The following CDH20 variants were observed in gnomAD, a reference collection of about 807,000 sequenced individuals.
The protein encoded by CDH20 is cadherin-20.
CDH20 carries 29 observed loss-of-function variants against 74.2 expected under a neutral mutation model. The ratio of observed to expected loss-of-function variants is 0.39; its 90% CI spans 0.29 to 0.53. The LOEUF (loss-of-function observed/expected upper bound fraction) is 0.53, where lower values mean the gene tolerates loss of function less well. Among genes scored for constraint, CDH20 ranks in the 20% least tolerant of loss-of-function variants. The probability of loss-of-function intolerance (pLI) is 0.69; values close to 1 mark genes in which losing one functional copy is unlikely to be tolerated. For missense variants in CDH20, 988 were observed against 1,048.3 expected (o/e 0.94, Z 0.79); for synonymous variants, 469 against 405.4 (o/e 1.16, Z -1.88).
At chr18:61,368,060 T>G (rs1910915261) in intron 1 of CDH20, among the ~76,000 whole-genome samples, 1 of 152,152 alleles carries the variant, frequency 6.6e-6, no homozygotes, top group Non-Finnish European at 1.5e-5. Flanking sequence ...TCTGAAGTAC[T>G]GGGGGTTGGG....
chr18:61,499,618 T>C, intron 3 of CDH20, 138 bp downstream of exon 3: 2 of 720,120 alleles, frequency 2.8e-6, no homozygotes, highest in Non-Finnish European at 4.3e-6. Context: ...AGCTCACCAA[T>C]TATAAAGCAA....
chr18:61,490,918 G>A (rs568429234), intron 2 of CDH20, 119 bp downstream of exon 2: 13 of 1,045,224 alleles, frequency 1.2e-5, no homozygotes, highest in Admixed American at 6.2e-5. Flanking sequence ...CAAGTGGTAC[G>A]TTACTTGACA....
intron 1 of CDH20, among the ~76,000 whole-genome samples, chr18:61,352,320 A>G (rs1345366860): frequency 6.6e-6 from 1 of 152,226 alleles, no homozygotes; most frequent in Non-Finnish European, 1.5e-5. Context: ...GATTATCTAT[A>G]TCAGTAACTG....
intron 1 of CDH20, among the ~76,000 whole-genome samples, chr18:61,439,385 C>T (rs967596502): frequency 6.6e-6 from 1 of 151,878 alleles, no homozygotes; most frequent in South Asian, 2.1e-4. Flanking sequence ...AATAAATGGA[C>T]ACTGTTCAAG....
rs147447460 is a variant in CDH20, at chr18:61,548,326, G to A, written c.1649-1652G>A. Among the ~76,000 whole-genome samples, 115 of 152,312 alleles carry A rather than the reference G, an allele frequency of 7.6e-4. 4 individuals carry two copies. In the East Asian group the frequency reaches 0.014, roughly 18 times the overall value. The stretch of plus-strand genomic sequence containing the variant: ...AACATGTACATGTTTTGGAGCCAGA[G>A]AGACCAGAGTTCAAATCCCAGCTCT... On this transcript the variant is annotated intron_variant, in intron 10 of 11. Coordinates refer to ENST00000262717, the MANE Select transcript of CDH20 (RefSeq NM_031891.4).
intron 1 of CDH20, among the ~76,000 whole-genome samples, chr18:61,419,259 G>A (rs1285905006): frequency 6.6e-6 from 1 of 152,064 alleles, no homozygotes. Flanking sequence ...TAGAGACAGG[G>A]TCTTGCTGTA....
intron 1 of CDH20, among the ~76,000 whole-genome samples, chr18:61,423,878 A>G (rs1912977386): frequency 6.6e-6 from 1 of 152,240 alleles, no homozygotes; most frequent in African/African-American, 2.4e-5. Flanking sequence ...AGAGTATAGC[A>G]TATGCACAGA....
At chr18:61,546,660 G>A (rs937176916) in intron 10 of CDH20, among the ~76,000 whole-genome samples, 8 of 152,164 alleles carry the variant, frequency 5.3e-5, no homozygotes, top group Non-Finnish European at 1.2e-4. Context: ...ATTCTAATGA[G>A]TGAAACAAAA....
At chr18:61,397,175 C>T (rs1912011024) in intron 1 of CDH20, among the ~76,000 whole-genome samples, 1 of 152,070 alleles carries the variant, frequency 6.6e-6, no homozygotes, top group Non-Finnish European at 1.5e-5. Flanking sequence ...TGGGGGTTGA[C>T]TCCTTCCCTA....
chr18:61,552,089 T>C (rs1042890438), intron 11 of CDH20, among the ~76,000 whole-genome samples: 2 of 152,162 alleles, frequency 1.3e-5, no homozygotes, highest in Non-Finnish European at 2.9e-5. Flanking sequence ...TAAAAATAAT[T>C]CATCAAACTT....
chr18:61,485,215 G>A (rs1002967551), intron 1 of CDH20, among the ~76,000 whole-genome samples: 3 of 152,126 alleles, frequency 2.0e-5, no homozygotes, highest in Admixed American at 6.5e-5. Context: ...GTAATTCTTC[G>A]ATTCTCCATA....
intron 1 of CDH20, among the ~76,000 whole-genome samples, chr18:61,415,228 G>A (rs140071154): frequency 7.9e-5 from 12 of 152,018 alleles, no homozygotes; most frequent in East Asian, 3.9e-4. Context: ...AAAAATCATC[G>A]TCATTTATCA....
At chr18:61,405,824 C>T (rs1651223465) in intron 1 of CDH20, among the ~76,000 whole-genome samples, 1 of 152,176 alleles carries the variant, frequency 6.6e-6, no homozygotes, top group African/African-American at 2.4e-5. Flanking sequence ...GAGGACTGTG[C>T]CACATGCTTA....
intron 1 of CDH20, among the ~76,000 whole-genome samples, chr18:61,342,141 A>G (rs1419886590): frequency 2.6e-5 from 4 of 152,210 alleles, no homozygotes; most frequent in Non-Finnish European, 5.9e-5. Flanking sequence ...AAAACAACAG[A>G]TTTCTTCATG....
intron 1 of CDH20, among the ~76,000 whole-genome samples, chr18:61,358,275 C>A (rs1328959503): frequency 3.8e-4 from 57 of 151,684 alleles, no homozygotes; most frequent in Admixed American, 3.7e-3. Flanking sequence ...CCACCACACC[C>A]AGCTAATTTT....
chr18:61,385,601 A>G (rs1911569294), intron 1 of CDH20, among the ~76,000 whole-genome samples: 1 of 152,176 alleles, frequency 6.6e-6, no homozygotes, highest in South Asian at 2.1e-4. Flanking sequence ...AAACCTTACC[A>G]TAGTTATGAA....
intron 1 of CDH20, among the ~76,000 whole-genome samples, chr18:61,336,867 A>T (rs1909780924): frequency 6.6e-6 from 1 of 151,832 alleles, no homozygotes; most frequent in African/African-American, 2.4e-5. Flanking sequence ...AAAAATGTCC[A>T]CTTTGGAAGA....
At chr18:61,502,816 C>T (rs1453234137) in intron 4 of CDH20, 137 bp from the exon 5 acceptor site, 3 of 609,490 alleles carry the variant, frequency 4.9e-6, no homozygotes, top group East Asian at 6.0e-5. Flanking sequence ...ATTTTTTTAC[C>T]TCAAATTTAA....
At position 61,554,701 on chromosome 18, in the gene CDH20, G is replaced by A. The variant is rs745977006; in HGVS notation, c.*6G>A. The stretch of plus-strand genomic sequence containing the variant: ...GACCCGCGCCGCTGTGGTGACGGAA[G>A]CCAGGAGGCAGGCGCGCGTCCAAAT... On this transcript the variant is annotated 3_prime_UTR_variant, in exon 12 of 12. Transcript: ENST00000262717. 6.4e-7 allele frequency: 1 copy of A among 1,553,030 alleles called. No homozygotes were observed. Among genetic ancestry groups the A allele is most frequent in the East Asian group, 2.3e-5 (1 of 43,088 alleles).
Sources: allele counts gnomAD v4.1 joint callset (sites outside exome capture counted in the v4.1 genomes callset), GRCh38; gene constraint gnomAD v4.1.1; transcripts MANE v1.5; gene names NCBI Gene and HGNC (gene_info 2026-07-23, HGNC 2026-07-21).